The following DLG2 variants were observed in gnomAD, a reference collection of about 807,000 sequenced individuals.
DLG2 encodes the protein discs large MAGUK scaffold protein 2.
Under a neutral mutation model 132.5 loss-of-function variants are expected in DLG2, and 45 were observed. That is an observed-to-expected ratio of 0.34 (90% confidence interval 0.27 to 0.44). DLG2 has a LOEUF of 0.44. DLG2 is among the 20% of genes least tolerant of loss of function. The probability of loss-of-function intolerance (pLI) is 1.00; values close to 1 mark genes in which losing one functional copy is unlikely to be tolerated. For synonymous variants in DLG2, 424 were observed against 419.6 expected, an observed-to-expected ratio of 1.01 and a Z score of -0.13; for missense variants, 1,045 against 1,196.9, an observed-to-expected ratio of 0.87 and a Z score of 1.87.
intron 3 of DLG2, among the ~76,000 whole-genome samples, chr11:85,494,062 C>A (rs1464068247): frequency 1.3e-5 from 2 of 152,024 alleles, no homozygotes; most frequent in African/African-American, 4.8e-5. Flanking sequence ...GTGCTTCCTT[C>A]AATCTTGACC....
In DLG2 at chr11:84,887,046, T is replaced by C. The variant is rs185687957; in HGVS notation, c.357+224615A>G. Among the ~76,000 whole-genome samples, 61 of 152,242 alleles carry C rather than the reference T, an allele frequency of 4.0e-4. 1 individual carries two copies. In the East Asian group the frequency reaches 7.7e-3, roughly 19 times the overall value. On this transcript the variant is annotated intron_variant, in intron 6 of 27. Coordinates refer to ENST00000376104, the MANE Select transcript of DLG2 (RefSeq NM_001142699.3). ...CTCTGTTAAGGGAGAAGTGTTGATG[T>C]GGACTTGAAACTATACAGTCACTTT...
At chr11:85,440,953 G>A (rs537416845) in intron 3 of DLG2, among the ~76,000 whole-genome samples, 15 of 152,194 alleles carry the variant, frequency 9.9e-5, no homozygotes, top group South Asian at 4.2e-4. Flanking sequence ...ACCTTGTCAC[G>A]TCCATTTGAC....
At chr11:85,447,314 T>C (rs1431044529) in intron 3 of DLG2, among the ~76,000 whole-genome samples, 1 of 152,160 alleles carries the variant, frequency 6.6e-6, no homozygotes, top group African/African-American at 2.4e-5. Context: ...CAAACTAATA[T>C]GTTGAAATTC....
rs543753191 is a variant in DLG2 at position 84,670,242 on chromosome 11, T to C, written c.358-135511A>G. 7.2e-5 allele frequency among the ~76,000 whole-genome samples: 11 copies of C among 152,222 alleles called. No individual in the cohort carries two copies. The South Asian group carries it at 1.2e-3, about 17-fold the overall frequency. ...CTCACTGTATTTCTCATTAACAAAA[T>C]GTCCATATTCTCAGAGAGGTTTGTG... On this transcript the variant is annotated intron_variant, in intron 6 of 27. Transcript: ENST00000376104.
At chr11:85,544,436 G>A (rs903148429) in intron 3 of DLG2, among the ~76,000 whole-genome samples, 5 of 152,188 alleles carry the variant, frequency 3.3e-5, no homozygotes, top group Admixed American at 3.3e-4. Context: ...GATGCTACCA[G>A]CTTTGTCCTT....
At chr11:85,408,269 C>A (rs1203833821) in intron 3 of DLG2, among the ~76,000 whole-genome samples, 1 of 149,340 alleles carries the variant, frequency 6.7e-6, no homozygotes, top group Non-Finnish European at 1.5e-5. Context: ...GCTGTGTAAC[C>A]GTCAGAAAAT....
intron 7 of DLG2, among the ~76,000 whole-genome samples, chr11:84,496,772 G>A (rs563607296): frequency 7.2e-5 from 11 of 151,878 alleles, no homozygotes; most frequent in Non-Finnish European, 1.3e-4. Flanking sequence ...CACGGTTCAC[G>A]GTTCACTGGA....
At chr11:84,664,038 A>G (rs2099697497) in intron 6 of DLG2, among the ~76,000 whole-genome samples, 1 of 152,212 alleles carries the variant, frequency 6.6e-6, no homozygotes, top group Non-Finnish European at 1.5e-5. Flanking sequence ...AAGTAAAGTT[A>G]CAGGCAGAAC....
chr11:85,382,688 G>A (rs940664462), intron 3 of DLG2, among the ~76,000 whole-genome samples: 2 of 152,092 alleles, frequency 1.3e-5, no homozygotes, highest in African/African-American at 2.4e-5. Flanking sequence ...ATATTTGAAC[G>A]GACAATTTGC....
At position 84,784,366 on chromosome 11, in the gene DLG2, AAATT is replaced by A. The variant is rs1391734254; in HGVS notation, c.358-249639_358-249636del. ...TAAATAAATAAATAAATAAATAAAT[AAATT>A]AAACAAGAGTATAGAACATAAAATA... is the stretch of plus-strand genomic sequence containing the variant. On this transcript the variant is annotated intron_variant, in intron 6 of 27. Coordinates refer to ENST00000376104, the MANE Select transcript of DLG2 (RefSeq NM_001142699.3). Among the ~76,000 whole-genome samples the A allele has an allele frequency of 5.6e-4, 83 of 147,476 alleles. 1 individual carries two copies. The highest frequency in any genetic ancestry group is 8.5e-4 in the Non-Finnish European group (57 of 66,952).
In DLG2 at chr11:83,750,701, G is replaced by C. The variant is rs77225806; in HGVS notation, c.1825+35989C>G. On this transcript the variant is annotated intron_variant, in intron 18 of 27. Coordinates refer to ENST00000376104, the MANE Select transcript of DLG2 (RefSeq NM_001142699.3). ...CAGTCTTCTCAAGAGAAAACTGAGA[G>C]CCCCAAAAAAGTTAAATTTCCAACA... Among the ~76,000 whole-genome samples the C allele has an allele frequency of 5.3e-3, 800 of 152,164 alleles. 4 individuals are homozygous for C. The highest frequency in any genetic ancestry group is 0.018 in the African/African-American group (759 of 41,510).
chr11:84,858,742 G>T (rs1355723682), intron 6 of DLG2, among the ~76,000 whole-genome samples: 2 of 151,936 alleles, frequency 1.3e-5, no homozygotes, highest in African/African-American at 2.4e-5. Flanking sequence ...CAAACAAAAA[G>T]AAACAATTAG....
intron 6 of DLG2, among the ~76,000 whole-genome samples, chr11:85,086,977 A>C (rs917149653): frequency 7.2e-5 from 11 of 152,182 alleles, no homozygotes; most frequent in African/African-American, 1.9e-4. Context: ...CTTTGTGTTC[A>C]TTTCCATATG....
chr11:83,654,315 T>C (rs1254774627), intron 18 of DLG2, among the ~76,000 whole-genome samples: 4 of 152,192 alleles, frequency 2.6e-5, no homozygotes, highest in Admixed American at 2.0e-4. Flanking sequence ...CAATTTGATC[T>C]GCCCTCTGCT....
intron 3 of DLG2, among the ~76,000 whole-genome samples, chr11:85,495,843 G>A (rs567203918): frequency 6.6e-6 from 1 of 152,172 alleles, no homozygotes; most frequent in East Asian, 1.9e-4. Context: ...TGTTTATTGT[G>A]GCACTATTTA....
rs2079543956 is a variant in DLG2, at chr11:85,300,877, G to T, written c.41-15512C>A. Among the ~76,000 whole-genome samples, 2 of 152,030 alleles carry T rather than the reference G, an allele frequency of 1.3e-5. 1 individual carries two copies. Among genetic ancestry groups the T allele is most frequent in the South Asian group, 4.1e-4 (2 of 4,820 alleles). On this transcript the variant is annotated intron_variant, in intron 3 of 27. Transcript: ENST00000376104. ...AGATGGAGAACGTGCAAGAACCTGA[G>T]AGAGGAGAAAGCATGACAAGGACCC...
At chr11:85,211,658 A>T (rs1378863386) in intron 4 of DLG2, among the ~76,000 whole-genome samples, 1 of 152,272 alleles carries the variant, frequency 6.6e-6, no homozygotes, top group South Asian at 2.1e-4. Flanking sequence ...TGAACCAGAT[A>T]AATTATTGGA....
At chr11:83,834,196 T>G (rs2055423191) in intron 16 of DLG2, among the ~76,000 whole-genome samples, 1 of 152,196 alleles carries the variant, frequency 6.6e-6, no homozygotes, top group Non-Finnish European at 1.5e-5. Context: ...GTTGTTTGCT[T>G]GACTGTTAAT....
chr11:85,390,644 A>C (rs1215972020), intron 3 of DLG2, among the ~76,000 whole-genome samples: 1 of 152,156 alleles, frequency 6.6e-6, no homozygotes, highest in Non-Finnish European at 1.5e-5. Flanking sequence ...GAACCCTCAA[A>C]ATCATGCAAA....
Sources: allele counts gnomAD v4.1 joint callset (sites outside exome capture counted in the v4.1 genomes callset), GRCh38; gene constraint gnomAD v4.1.1; transcripts MANE v1.5; gene names NCBI Gene and HGNC (gene_info 2026-07-23, HGNC 2026-07-21).